Variants in SDK1 observed in about 807,000 individuals in gnomAD.
SDK1 encodes the protein sidekick cell adhesion molecule 1.
SDK1 carries 157 observed loss-of-function variants against 245.5 expected under a neutral mutation model. The ratio of observed to expected loss-of-function variants is 0.64; its 90% CI spans 0.56 to 0.73. SDK1 has a LOEUF of 0.73. SDK1 is among the 30% of genes least tolerant of loss of function. SDK1 has a pLI of 0.00. For missense variants in SDK1, 3,583 were observed against 3,002.3 expected (o/e 1.19, Z -4.52); for synonymous variants, 1,647 against 1,278.5 (o/e 1.29, Z -6.15).
rs930802340 is a variant in SDK1 at position 3,329,691 on chromosome 7, A to C, written c.298+27807A>C. 4.6e-5 allele frequency among the ~76,000 whole-genome samples: 7 copies of C among 152,318 alleles called. No individual in the cohort carries two copies. The South Asian group carries it at 6.2e-4, about 14-fold the overall frequency. Reference sequence around the variant, plus strand: ...TTTCCACACTCATCCATTTTGTGGTATGTATTACTACAGTTGGTTCTCTGC... The same window carrying C: ...TTTCCACACTCATCCATTTTGTGGTCTGTATTACTACAGTTGGTTCTCTGC... On this transcript the variant is annotated intron_variant, in intron 1 of 44. Transcript: ENST00000404826.
intron 1 of SDK1, among the ~76,000 whole-genome samples, chr7:3,349,903 A>G (rs1471520758): frequency 6.6e-6 from 1 of 152,128 alleles, no homozygotes; most frequent in Non-Finnish European, 1.5e-5. Flanking sequence ...TGCCCGGCCT[A>G]AGAGTACATG....
At chr7:3,783,139 A>G (rs1780796764) in intron 4 of SDK1, among the ~76,000 whole-genome samples, 1 of 152,236 alleles carries the variant, frequency 6.6e-6, no homozygotes, top group South Asian at 2.1e-4. Flanking sequence ...ATTTTGTTAG[A>G]TGCCGAAAAA....
intron 1 of SDK1, among the ~76,000 whole-genome samples, chr7:3,512,085 C>A (rs1782599544): frequency 6.6e-6 from 1 of 151,904 alleles, no homozygotes; most frequent in Non-Finnish European, 1.5e-5. Context: ...AGAGTCCTTT[C>A]ACTGCCCTTA....
chr7:3,761,368 C>A (rs1583386423), intron 4 of SDK1, among the ~76,000 whole-genome samples: 1 of 140,436 alleles, frequency 7.1e-6, no homozygotes, highest in Admixed American at 7.5e-5. Context: ...CTTGCCTTAA[C>A]ACGGTGAAAC....
chr7:3,899,457 C>T (rs1781709871), intron 5 of SDK1, among the ~76,000 whole-genome samples: 1 of 152,260 alleles, frequency 6.6e-6, no homozygotes, highest in South Asian at 2.1e-4. Context: ...CTCTCGGCAT[C>T]AGCTTCCTTG....
At chr7:3,371,534 A>T (rs1023512525) in intron 1 of SDK1, among the ~76,000 whole-genome samples, 1 of 152,220 alleles carries the variant, frequency 6.6e-6, no homozygotes, top group Non-Finnish European at 1.5e-5. Flanking sequence ...AAACAGAAAC[A>T]TACAAACAAA....
At chr7:3,600,755 A>T (rs1033005817) in intron 1 of SDK1, among the ~76,000 whole-genome samples, 2 of 152,010 alleles carry the variant, frequency 1.3e-5, no homozygotes, top group Admixed American at 6.6e-5. Context: ...TCACCGTGTT[A>T]GCCAGGATGG....
At chr7:3,783,789 C>T (rs1177012365) in intron 4 of SDK1, among the ~76,000 whole-genome samples, 2 of 152,018 alleles carry the variant, frequency 1.3e-5, no homozygotes, top group Non-Finnish European at 2.9e-5. Flanking sequence ...CAAAACCAAC[C>T]CTACCAATTC....
chr7:3,492,621 G>A (rs538522963), intron 1 of SDK1, among the ~76,000 whole-genome samples: 2 of 152,350 alleles, frequency 1.3e-5, no homozygotes, highest in South Asian at 4.1e-4. Context: ...GTTCCTCAGC[G>A]TAGCCAACTT....
chr7:3,332,363 T>C lies in SDK1; in HGVS notation c.298+30479T>C, dbSNP rs114876675. On this transcript the variant is annotated intron_variant, in intron 1 of 44. Transcript: ENST00000404826. The stretch of plus-strand genomic sequence containing the variant: ...AGTGCCGTCAGTTGTTCTCCCCTTA[T>C]TCCTATTATTCTGGCATTATATCTT... Among the ~76,000 whole-genome samples the C allele has an allele frequency of 6.5e-3, 996 of 152,288 alleles. 12 individuals are homozygous for C. The highest frequency in any genetic ancestry group is 0.022 in the African/African-American group (924 of 41,560).
intron 4 of SDK1, among the ~76,000 whole-genome samples, chr7:3,802,853 A>C (rs367812648): frequency 6.6e-6 from 1 of 152,180 alleles, no homozygotes; most frequent in Non-Finnish European, 1.5e-5. Flanking sequence ...CTCTTCACCA[A>C]TTGAGGAACA....
At chr7:3,883,949 A>G (rs1781270897) in intron 5 of SDK1, among the ~76,000 whole-genome samples, 1 of 152,156 alleles carries the variant, frequency 6.6e-6, no homozygotes, top group South Asian at 2.1e-4. Context: ...AATAATCTTT[A>G]GTTGTTTCTC....
chr7:4,158,343 G>T, intron 30 of SDK1, 105 bp from the exon 31 acceptor site: 1 of 872,790 alleles, frequency 1.1e-6, no homozygotes. Flanking sequence ...AGAGCTCTCA[G>T]GGCAGGGGAG....
intron 1 of SDK1, among the ~76,000 whole-genome samples, chr7:3,303,157 G>A (rs79934064): frequency 0.039 from 5,958 of 151,894 alleles, 352 homozygotes; most frequent in African/African-American, 0.13. Context: ...TCCATTACTT[G>A]GAAAATTTTC....
chr7:3,891,489 G>A (rs926509948), intron 5 of SDK1, among the ~76,000 whole-genome samples: 10 of 152,184 alleles, frequency 6.6e-5, no homozygotes, highest in Non-Finnish European at 1.3e-4. Context: ...TGTTAATCCA[G>A]CCGAAAGTGT....
At chr7:4,190,897 C>G (rs990673465) in intron 35 of SDK1, among the ~76,000 whole-genome samples, 4 of 152,130 alleles carry the variant, frequency 2.6e-5, no homozygotes, top group Admixed American at 2.0e-4. Context: ...AATGCTGGGC[C>G]GGAGGGTGGA....
At chr7:3,340,375 A>G (rs1476054967) in intron 1 of SDK1, among the ~76,000 whole-genome samples, 1 of 152,248 alleles carries the variant, frequency 6.6e-6, no homozygotes, top group African/African-American at 2.4e-5. Flanking sequence ...AAATGCTGAC[A>G]CAAAGTGAGC....
At chr7:3,867,976 A>G (rs530811904) in intron 5 of SDK1, among the ~76,000 whole-genome samples, 1 of 152,048 alleles carries the variant, frequency 6.6e-6, no homozygotes, top group South Asian at 2.1e-4. Context: ...ATCAGACTCC[A>G]CAGATTGTGT....
intron 4 of SDK1, among the ~76,000 whole-genome samples, chr7:3,748,025 T>C (rs1779674072): frequency 6.6e-6 from 1 of 152,172 alleles, no homozygotes; most frequent in African/African-American, 2.4e-5. Context: ...ATATATTTGA[T>C]TATACTGTAT....
Sources: gnomAD v4.1 joint callset for allele counts (sites outside exome capture counted in the v4.1 genomes callset) on GRCh38, gnomAD v4.1.1 for gene constraint, MANE v1.5 for transcripts, NCBI Gene and HGNC (gene_info 2026-07-23, HGNC 2026-07-21) for gene names.